PTPRG: variants seen among roughly 807,000 people sequenced by gnomAD.
PTPRG encodes protein tyrosine phosphatase receptor type G.
PTPRG carries 102 observed loss-of-function variants against 165.3 expected under a neutral mutation model. The ratio of observed to expected loss-of-function variants is 0.62; its 90% CI spans 0.53 to 0.73. The LOEUF (loss-of-function observed/expected upper bound fraction) is 0.73. PTPRG is among the 30% of genes least tolerant of loss of function. PTPRG has a pLI of 0.00. For missense variants in PTPRG, 1,866 were observed against 1,861.4 expected (o/e 1.00, Z -0.05); for synonymous variants, 675 against 669.5 (o/e 1.01, Z -0.13).
chr3:61,600,188 A>ATG (rs1372886923), intron 1 of PTPRG, among the ~76,000 whole-genome samples: 46 of 133,314 alleles, frequency 3.5e-4, no homozygotes, highest in South Asian at 7.0e-4. Context: ...ATATATATAT[A>ATG]TATATGTGTG....
chr3:61,775,562 C>T (rs1039217590), intron 2 of PTPRG, among the ~76,000 whole-genome samples: 4 of 152,062 alleles, frequency 2.6e-5, no homozygotes, highest in Admixed American at 6.5e-5. Flanking sequence ...TATTAAAAGA[C>T]AAACTGAGTC....
intron 15 of PTPRG, among the ~76,000 whole-genome samples, chr3:62,249,523 C>T (rs182792346): frequency 3.9e-5 from 6 of 152,130 alleles, no homozygotes; most frequent in Non-Finnish European, 7.4e-5. Flanking sequence ...GAGAGATCTG[C>T]CAAGGGTTAA....
chr3:61,791,645 G>A (rs2034876900), intron 2 of PTPRG, among the ~76,000 whole-genome samples: 1 of 152,174 alleles, frequency 6.6e-6, no homozygotes, highest in Non-Finnish European at 1.5e-5. Context: ...GTGCCACCAC[G>A]CCTGGCTAAT....
At chr3:61,960,648 T>G (rs1485684644) in intron 2 of PTPRG, among the ~76,000 whole-genome samples, 1 of 152,164 alleles carries the variant, frequency 6.6e-6, no homozygotes, top group African/African-American at 2.4e-5. Context: ...CATCCAGATA[T>G]GACAAGGGTG....
At chr3:61,719,553 GA>G (rs751804969) in intron 1 of PTPRG, among the ~76,000 whole-genome samples, 45 of 152,304 alleles carry the variant, frequency 3.0e-4, no homozygotes, top group South Asian at 1.0e-3. Flanking sequence ...CAGTGGCAGA[GA>G]AAGGGAACAG....
intron 13 of PTPRG, among the ~76,000 whole-genome samples, chr3:62,221,715 C>A (rs554842021): frequency 6.6e-6 from 1 of 152,204 alleles, no homozygotes; most frequent in Non-Finnish European, 1.5e-5. Context: ...GCAGGCCTGG[C>A]ACCGGGGGGT....
At chr3:61,600,172 AAATAT>A (rs1316929100) in intron 1 of PTPRG, among the ~76,000 whole-genome samples, 147 of 114,212 alleles carry the variant, frequency 1.3e-3, no homozygotes, top group Middle Eastern at 4.5e-3. Flanking sequence ...AAAAAAAAAA[AAATAT>A]ATATATATAT....
intron 2 of PTPRG, among the ~76,000 whole-genome samples, chr3:61,804,404 G>A (rs541977916): frequency 7.2e-4 from 109 of 152,238 alleles, no homozygotes; most frequent in Non-Finnish European, 1.3e-3. Context: ...CTTTGTAAAG[G>A]GATGTAATCT....
intron 28 of PTPRG, among the ~76,000 whole-genome samples, chr3:62,290,793 CA>C (rs1168638070): frequency 6.6e-6 from 1 of 151,970 alleles, no homozygotes; most frequent in Non-Finnish European, 1.5e-5. Context: ...ATGAATTAGA[CA>C]ATTAAACGTA....
At chr3:62,206,829 G>A (rs1168345673) in intron 12 of PTPRG, among the ~76,000 whole-genome samples, 1 of 150,702 alleles carries the variant, frequency 6.6e-6, no homozygotes, top group Non-Finnish European at 1.5e-5. Context: ...CCACTCGGGA[G>A]GCTGAGGTGG....
At chr3:61,985,853 AC>A (rs1334392202) in intron 2 of PTPRG, among the ~76,000 whole-genome samples, 5 of 152,264 alleles carry the variant, frequency 3.3e-5, no homozygotes, top group African/African-American at 1.2e-4. Flanking sequence ...AGCCATAGTC[AC>A]CTTTGCTGGG....
At chr3:61,712,442 C>T (rs1448183245) in intron 1 of PTPRG, among the ~76,000 whole-genome samples, 1 of 152,048 alleles carries the variant, frequency 6.6e-6, no homozygotes, top group Non-Finnish European at 1.5e-5. Flanking sequence ...CAAATCTCAT[C>T]TGGAATATAA....
intron 2 of PTPRG, among the ~76,000 whole-genome samples, chr3:61,858,445 T>C (rs1219867822): frequency 6.6e-6 from 1 of 152,222 alleles, no homozygotes; most frequent in Non-Finnish European, 1.5e-5. Context: ...AATTTGCCAT[T>C]TGCTTTGCAA....
chr3:61,962,606 G>A (rs1319148978), intron 2 of PTPRG, among the ~76,000 whole-genome samples: 6 of 152,204 alleles, frequency 3.9e-5, no homozygotes, highest in Non-Finnish European at 8.8e-5. Context: ...CCTTTGGGAA[G>A]TATAGTCAAA....
intron 1 of PTPRG, chr3:61,742,345 A>C: frequency 1.4e-6 from 1 of 691,778 alleles, no homozygotes; most frequent in Non-Finnish European, 2.3e-6. Context: ...TGATATCTTC[A>C]GTAGTAGGTG....
At chr3:62,262,657 C>A (rs1469098746) in intron 16 of PTPRG, 141 bp from the exon 17 acceptor site, 3 of 491,910 alleles carry the variant, frequency 6.1e-6, no homozygotes, top group African/African-American at 2.0e-5. Context: ...ATAAATATAT[C>A]AATAATTATA....
intron 9 of PTPRG, among the ~76,000 whole-genome samples, chr3:62,192,393 C>CTTTTTTTTTTTTTTTTTTTTTTTTTT (rs71123255): frequency 1.9e-5 from 1 of 52,594 alleles, no homozygotes; most frequent in Non-Finnish European, 3.6e-5. Flanking sequence ...CAACTACTGT[C>CTTTTTTTTTTTTTTTTTTTTTTTTTT]TTTTTTTTTT....
rs140134272 is a variant in PTPRG at position 62,144,568 on chromosome 3, C to G, written c.682+11900C>G. The stretch of plus-strand genomic sequence containing the variant: ...CCAGCATTTAATTACATGGAACTTT[C>G]CTGAAATGTGCTATAAATATGCAGC... On this transcript the variant is annotated intron_variant, in intron 6 of 29. Coordinates refer to ENST00000474889, the MANE Select transcript of PTPRG (RefSeq NM_002841.4). Among the ~76,000 whole-genome samples, 1,161 of 152,266 alleles carry G rather than the reference C, an allele frequency of 7.6e-3. 4 individuals are homozygous for G. The highest frequency in any genetic ancestry group is 0.011 in the Non-Finnish European group (728 of 68,018).
chr3:62,215,682 T>G (rs1700483569), intron 12 of PTPRG, among the ~76,000 whole-genome samples: 1 of 151,940 alleles, frequency 6.6e-6, no homozygotes, highest in Admixed American at 6.6e-5. Context: ...ACCTTCATTC[T>G]CTCTCTATGC....
Sources: gnomAD v4.1 joint callset for allele counts (sites outside exome capture counted in the v4.1 genomes callset) on GRCh38, gnomAD v4.1.1 for gene constraint, MANE v1.5 for transcripts, NCBI Gene and HGNC (gene_info 2026-07-23, HGNC 2026-07-21) for gene names.